Variants in PTPRN2 observed in about 807,000 individuals in gnomAD.
The protein encoded by PTPRN2 is protein tyrosine phosphatase receptor type N2.
In PTPRN2, 74 loss-of-function variants were observed where a neutral mutation model predicts 118.8. That is an observed-to-expected ratio of 0.62 (90% confidence interval 0.52 to 0.76). The LOEUF is 0.76. Ranked by LOEUF, PTPRN2 falls within the 30% of genes least tolerant of loss-of-function variation. The pLI is 0.00. For synonymous variants in PTPRN2, 641 were observed against 608.0 expected, an observed-to-expected ratio of 1.05 and a Z score of -0.80; for missense variants, 1,481 against 1,394.4, an observed-to-expected ratio of 1.06 and a Z score of -0.99.
At chr7:158,255,751 A>G (rs1381302698) in intron 3 of PTPRN2, among the ~76,000 whole-genome samples, 1 of 58,330 alleles carries the variant, frequency 1.7e-5, no homozygotes, top group Non-Finnish European at 3.2e-5. Context: ...CCATGCACCA[A>G]GCTCCTGGCC....
intron 2 of PTPRN2, among the ~76,000 whole-genome samples, chr7:158,336,497 T>G (rs62481663): frequency 1.2e-4 from 6 of 50,104 alleles, no homozygotes; most frequent in South Asian, 7.7e-4. Context: ...CGCCCGCAGA[T>G]GTCACTCACA....
At chr7:158,532,624 C>T (rs34189096) in intron 1 of PTPRN2, 2 of 466,710 alleles carry the variant, frequency 4.3e-6, no homozygotes, top group African/African-American at 2.0e-5. Flanking sequence ...AGACCAAAAA[C>T]GTCACTAAAC....
At chr7:158,055,509 C>T (rs543067698) in intron 11 of PTPRN2, among the ~76,000 whole-genome samples, 4 of 152,322 alleles carry the variant, frequency 2.6e-5, no homozygotes, top group South Asian at 2.1e-4. Flanking sequence ...GAGGCCTAAC[C>T]GTCTCCCTGT....
chr7:158,119,984 G>T (rs1291794163), intron 9 of PTPRN2, among the ~76,000 whole-genome samples: 1 of 152,200 alleles, frequency 6.6e-6, no homozygotes, highest in African/African-American at 2.4e-5. Context: ...GAGGAGCAAA[G>T]CGTGGCCTGC....
intron 16 of PTPRN2, among the ~76,000 whole-genome samples, chr7:157,600,758 G>C (rs1329581394): frequency 1.3e-5 from 2 of 152,208 alleles, no homozygotes; most frequent in African/African-American, 4.8e-5. Flanking sequence ...ATTCTTAGGA[G>C]TTGAGATTTA....
intron 3 of PTPRN2, among the ~76,000 whole-genome samples, chr7:158,264,214 C>T (rs981962446): frequency 3.3e-5 from 5 of 152,186 alleles, no homozygotes; most frequent in Non-Finnish European, 5.9e-5. Flanking sequence ...TGGTAACGAC[C>T]GCCTGAAAAT....
chr7:157,761,369 C>G (rs1330667815), intron 12 of PTPRN2, among the ~76,000 whole-genome samples: 3 of 148,194 alleles, frequency 2.0e-5, no homozygotes, highest in Admixed American at 2.0e-4. Flanking sequence ...GCTACAGTAA[C>G]CAAAACAGCA....
intron 2 of PTPRN2, among the ~76,000 whole-genome samples, chr7:158,337,199 TA>T (rs1221085825): frequency 6.6e-6 from 1 of 152,010 alleles, no homozygotes; most frequent in East Asian, 1.9e-4. Context: ...ACTCTCACCA[TA>T]AGAGGTGACA....
intron 19 of PTPRN2, among the ~76,000 whole-genome samples, chr7:157,574,745 G>A (rs1037759857): frequency 6.6e-6 from 1 of 152,206 alleles, no homozygotes; most frequent in African/African-American, 2.4e-5. Flanking sequence ...TTCAGAAGGG[G>A]TCTCACCTTT....
chr7:158,112,901 C>T (rs2002070), intron 9 of PTPRN2, among the ~76,000 whole-genome samples: 3 of 152,038 alleles, frequency 2.0e-5, no homozygotes, highest in Admixed American at 6.5e-5. Context: ...TCATGAATGC[C>T]GAGACCGGGG....
At chr7:158,251,673 CTA>C (rs1266933520) in intron 3 of PTPRN2, among the ~76,000 whole-genome samples, 3 of 123,704 alleles carry the variant, frequency 2.4e-5, no homozygotes, top group Middle Eastern at 0.012. Flanking sequence ...CAATGGATGT[CTA>C]TGGTGCACGT....
chr7:158,529,550 T>C lies in PTPRN2; in HGVS notation c.113-39765A>G, dbSNP rs1412553299. Among the ~76,000 whole-genome samples the C allele has an allele frequency of 6.6e-6, 1 of 152,228 alleles. No individual in the cohort carries two copies. Among genetic ancestry groups the C allele is most frequent in the Non-Finnish European group, 1.5e-5 (1 of 68,040 alleles). ...GAACCACAGAGTGCTCTGTATTAGA[T>C]ATTTTGTGCATTTTTGACCAAAATG... is the stretch of plus-strand genomic sequence containing the variant. On this transcript the variant is annotated intron_variant, in intron 1 of 22. Transcript: ENST00000389418. The surrounding 1 kb of genome is among the most constrained non-coding windows in gnomAD (Gnocchi z 4.7).
intron 3 of PTPRN2, among the ~76,000 whole-genome samples, chr7:158,316,252 C>T (rs1802314096): frequency 6.6e-6 from 1 of 152,304 alleles, no homozygotes; most frequent in East Asian, 1.9e-4. Context: ...AGTCAGAACG[C>T]CTTATCCATC....
At chr7:158,198,667 A>G (rs1826401177) in intron 4 of PTPRN2, among the ~76,000 whole-genome samples, 2 of 152,030 alleles carry the variant, frequency 1.3e-5, no homozygotes, top group Admixed American at 1.3e-4. Flanking sequence ...CCTGGTTCTC[A>G]GGTCCTCCTT....
intron 2 of PTPRN2, among the ~76,000 whole-genome samples, chr7:158,483,221 T>G (rs566996619): frequency 5.9e-5 from 9 of 152,234 alleles, no homozygotes; most frequent in Non-Finnish European, 1.0e-4. Flanking sequence ...TATTAATCTG[T>G]CTTTTGTTAC....
chr7:158,134,193 G>C, intron 8 of PTPRN2, 134 bp from the exon 9 acceptor site: 1 of 1,013,392 alleles, frequency 9.9e-7, no homozygotes, highest in Non-Finnish European at 1.4e-6. Flanking sequence ...TGGGAGGAAG[G>C]CGAAGTGTGT....
At chr7:157,856,657 T>G (rs556064440) in intron 12 of PTPRN2, among the ~76,000 whole-genome samples, 1 of 152,328 alleles carries the variant, frequency 6.6e-6, no homozygotes, top group East Asian at 1.9e-4. Context: ...ACAAAATACA[T>G]TAAACATACA....
intron 2 of PTPRN2, among the ~76,000 whole-genome samples, chr7:158,476,478 C>G (rs1820273800): frequency 6.6e-6 from 1 of 152,352 alleles, no homozygotes; most frequent in South Asian, 2.1e-4. Flanking sequence ...TGTAAGTCAC[C>G]AACAACTGCC....
rs376499857 is a variant in PTPRN2, at chr7:158,551,562, C to T, written c.112+35996G>A. 3.8e-5 allele frequency among the ~76,000 whole-genome samples: 5 copies of T among 133,038 alleles called. No individual in the cohort carries two copies. The East Asian group carries it at 1.3e-3, about 35-fold the overall frequency. 87.3% of individuals were successfully genotyped at this position (133,038 alleles called of 152,430 possible). A position where few individuals can be genotyped will look rare whatever the true frequency, so the allele number is the denominator to read the frequency against. ...ACACATGCATTTGGGGGCCCCAGCT[C>T]CTAACCCATCACATCAGGGGTGGGG... On this transcript the variant is annotated intron_variant, in intron 1 of 22. Coordinates refer to ENST00000389418, the MANE Select transcript of PTPRN2 (RefSeq NM_002847.5).
Sources: allele counts gnomAD v4.1 joint callset (sites outside exome capture counted in the v4.1 genomes callset), GRCh38; gene constraint gnomAD v4.1.1; non-coding constraint Gnocchi (gnomAD v3.1); transcripts MANE v1.5; gene names NCBI Gene and HGNC (gene_info 2026-07-23, HGNC 2026-07-21).